Variants in CDS2 observed in about 807,000 individuals in gnomAD.
The protein encoded by CDS2 is CDP-diacylglycerol synthase 2.
In CDS2, 47 loss-of-function variants were observed where a neutral mutation model predicts 59.0. The observed-to-expected ratio is 0.80, with a 90% confidence interval of 0.63 to 1.02. The LOEUF is 1.02. CDS2 is among the 50% of genes least tolerant of loss of function. The probability of loss-of-function intolerance (pLI) is 0.00; values close to 1 mark genes in which losing one functional copy is unlikely to be tolerated. For synonymous variants in CDS2, 207 were observed against 206.4 expected (o/e 1.00, Z -0.02); for missense variants, 356 against 558.9 (o/e 0.64, Z 3.66).
chr20:5,186,910 C>A (rs1425077404), intron 10 of CDS2, 71 bp downstream of exon 10: 1 of 1,546,760 alleles, frequency 6.5e-7, no homozygotes, highest in East Asian at 2.3e-5. Context: ...CCCTCCATCA[C>A]CTGCCCTCTG....
intron 10 of CDS2, 97 bp from the exon 11 acceptor site, chr20:5,188,970 G>C: frequency 6.6e-7 from 1 of 1,507,322 alleles, no homozygotes; most frequent in Non-Finnish European, 9.1e-7. Context: ...TCCCAGTGAG[G>C]CCACAATGAG....
intron 1 of CDS2, among the ~76,000 whole-genome samples, chr20:5,134,805 G>A (rs2090635421): frequency 1.3e-5 from 2 of 152,198 alleles, no homozygotes; most frequent in Admixed American, 1.3e-4. Context: ...ACAGGCATGA[G>A]CCACCGTACC....
At position 5,182,428 on chromosome 20, in the gene CDS2, C is replaced by CGA. The variant is rs1332739727; in HGVS notation, c.572_573dup (p.Leu192AspfsTer12). 1 of 1,612,056 alleles carries CGA rather than the reference C, an allele frequency of 6.2e-7. No homozygotes were observed. Among genetic ancestry groups the CGA allele is most frequent in the Non-Finnish European group, 8.5e-7 (1 of 1,179,110 alleles). ...ACTGAGTCTGGTCAAGAAGCATTAT[C>CGA]GACTGCAGTTCTACATGGTAAAGGA... On this transcript the variant is annotated frameshift_variant, in exon 6 of 13. Transcript: ENST00000460006. LOFTEE classifies it high-confidence loss of function.
intron 1 of CDS2, among the ~76,000 whole-genome samples, chr20:5,129,276 TTTA>T (rs947084731): frequency 2.6e-5 from 4 of 152,018 alleles, no homozygotes; most frequent in African/African-American, 9.7e-5. Flanking sequence ...TGTATGGGAT[TTTA>T]TTATTATTAT....
intron 1 of CDS2, among the ~76,000 whole-genome samples, chr20:5,147,575 C>T (rs537292642): frequency 1.3e-5 from 2 of 152,172 alleles, no homozygotes; most frequent in South Asian, 2.1e-4. Flanking sequence ...AGGCCCACTT[C>T]TTTCTTTTTA....
At position 5,195,348 on chromosome 20, in the gene CDS2, C is replaced by T. The variant is rs150215830; in HGVS notation, c.*5114C>T. ...AGCACGCCAACCTTAACATCCCCTA[C>T]AGCATCTTGGTGCTTCACACACCAT... On this transcript the variant is annotated 3_prime_UTR_variant, in exon 13 of 13. Transcript: ENST00000460006. 369 of 152,518 alleles carry T rather than the reference C, an allele frequency of 2.4e-3. 2 individuals carry two copies. The highest frequency in any genetic ancestry group is 4.2e-3 in the Non-Finnish European group (286 of 68,088). 9.4% of individuals were successfully genotyped at this position (152,518 alleles called of 1,614,324 possible).
At chr20:5,145,825 T>G (rs140706468) in intron 1 of CDS2, among the ~76,000 whole-genome samples, 42,451 of 143,380 alleles carry the variant, frequency 0.3, 6,313 homozygotes, top group South Asian at 0.37. Flanking sequence ...TTTTTGTGTT[T>G]TTTTTTTTTT....
Position 5,178,899 on chromosome 20 carries a change from C to T in CDS2, c.472C>T (p.Pro158Ser). ...CTTCACCCTGGTCCAGAGAGAAGAG[C>T]CTTTGCGGATTCTCAGTAAATACCA... ...YFFTLVQREE[P>S]LRILSKYHRF... The change falls in exon 5 of 13, where the codon CCT (proline) becomes TCT (serine). Residue 158 changes from proline (P) to serine (S), a missense_variant. Physicochemically the swap from Pro to Ser is moderately conservative, Grantham distance 74 (BLOSUM62 -1). Coordinates refer to ENST00000460006, the MANE Select transcript of CDS2 (RefSeq NM_003818.4). 6.2e-7 allele frequency: 1 copy of T among 1,613,842 alleles called. No homozygotes were observed. Among genetic ancestry groups the T allele is most frequent in the South Asian group, 1.1e-5 (1 of 91,082 alleles).
intron 1 of CDS2, among the ~76,000 whole-genome samples, chr20:5,162,015 C>T (rs2090879662): frequency 6.6e-6 from 1 of 152,100 alleles, no homozygotes; most frequent in Admixed American, 6.5e-5. Context: ...TTGCCTTAGG[C>T]TGGGGTAAAT....
rs531414709 is a variant in CDS2 at position 5,194,139 on chromosome 20, T to A, written c.*3905T>A. 58 of 152,380 alleles carry A rather than the reference T, an allele frequency of 3.8e-4. No individual in the cohort carries two copies. Among genetic ancestry groups the A allele is most frequent in the African/African-American group, 1.4e-3 (57 of 41,582 alleles). 9.4% of individuals were successfully genotyped at this position (152,380 alleles called of 1,614,324 possible). ...CTGGCCTGAAGATGATGGCTAATAC[T>A]CAGGCAGAGCCCCGTATTCTTCCCT... On this transcript the variant is annotated 3_prime_UTR_variant, in exon 13 of 13. Coordinates refer to ENST00000460006, the MANE Select transcript of CDS2 (RefSeq NM_003818.4).
intron 1 of CDS2, among the ~76,000 whole-genome samples, chr20:5,137,332 C>T (rs1388157619): frequency 6.6e-6 from 1 of 151,398 alleles, no homozygotes; most frequent in Non-Finnish European, 1.5e-5. Context: ...CAGCCTCCGC[C>T]TCCCAGGTTC....
intron 1 of CDS2, among the ~76,000 whole-genome samples, chr20:5,146,628 T>C (rs2090745840): frequency 6.6e-6 from 1 of 152,226 alleles, no homozygotes; most frequent in Non-Finnish European, 1.5e-5. Flanking sequence ...CTGTTATTTA[T>C]GATTTTTTTA....
At chr20:5,172,469 A>G (rs149509003) in intron 1 of CDS2, among the ~76,000 whole-genome samples, 7 of 152,372 alleles carry the variant, frequency 4.6e-5, no homozygotes, top group African/African-American at 1.7e-4. Context: ...GACACTTGAC[A>G]GAAGATACCA....
chr20:5,135,502 C>T (rs1439880682), intron 1 of CDS2, among the ~76,000 whole-genome samples: 6 of 152,206 alleles, frequency 3.9e-5, no homozygotes, highest in South Asian at 2.1e-4. Context: ...TGACTCTTCA[C>T]TATTAATTTT....
chr20:5,187,920 A>AT (rs1358724323), intron 10 of CDS2: 5 of 151,964 alleles, frequency 3.3e-5, no homozygotes, highest in African/African-American at 4.8e-5. Context: ...ACTGACAGTA[A>AT]TTGTTACCAA....
intron 1 of CDS2, among the ~76,000 whole-genome samples, chr20:5,158,756 G>C (rs2090853359): frequency 1.3e-5 from 2 of 152,190 alleles, no homozygotes; most frequent in Non-Finnish European, 2.9e-5. Flanking sequence ...GGACACAGTA[G>C]GAATTTAATA....
intron 5 of CDS2, among the ~76,000 whole-genome samples, chr20:5,180,813 G>A (rs1254231442): frequency 6.6e-6 from 1 of 151,964 alleles, no homozygotes; most frequent in African/African-American, 2.4e-5. Flanking sequence ...TAATCCTAAG[G>A]GTTGCAGAGG....
rs543295590 is a variant in CDS2, at chr20:5,195,044, T to G, written c.*4810T>G. ...GACAGACTTTGGGATCAAATCACCCTAGGTGCGGGCAGGTTTCTAGGCTGC... is the reference window on the plus strand; with the variant it reads ...GACAGACTTTGGGATCAAATCACCCGAGGTGCGGGCAGGTTTCTAGGCTGC... On this transcript the variant is annotated 3_prime_UTR_variant, in exon 13 of 13. Coordinates refer to ENST00000460006, the MANE Select transcript of CDS2 (RefSeq NM_003818.4). 3.3e-5 allele frequency: 5 copies of G among 152,300 alleles called. No individual in the cohort carries two copies. Among genetic ancestry groups the G allele is most frequent in the African/African-American group, 1.2e-4 (5 of 41,546 alleles). The allele number at this position is 152,300 out of a possible 1,614,324, so 9.4% of individuals were successfully genotyped here.
chr20:5,133,936 A>G (rs1468386601), intron 1 of CDS2, among the ~76,000 whole-genome samples: 1 of 152,206 alleles, frequency 6.6e-6, no homozygotes, highest in Non-Finnish European at 1.5e-5. Flanking sequence ...TGATACCCAA[A>G]TGTTACCTAT....
Sources: gnomAD v4.1 joint callset for allele counts (sites outside exome capture counted in the v4.1 genomes callset) on GRCh38, gnomAD v4.1.1 for gene constraint, MANE v1.5 for transcripts, NCBI Gene and HGNC (gene_info 2026-07-23, HGNC 2026-07-21) for gene names.